Variants in STXBP5L observed in about 807,000 individuals in gnomAD.
STXBP5L encodes syntaxin-binding protein 5-like.
In STXBP5L, 65 loss-of-function variants were observed where a neutral mutation model predicts 144.5. That is an observed-to-expected ratio of 0.45 (90% CI 0.37 to 0.55). The LOEUF is 0.55. STXBP5L is among the 20% of genes least tolerant of loss of function. STXBP5L has a pLI of 0.00. For missense variants in STXBP5L, 1,298 were observed against 1,405.5 expected, an observed-to-expected ratio of 0.92 and a Z score of 1.22; for synonymous variants, 505 against 469.6, an observed-to-expected ratio of 1.08 and a Z score of -0.97.
chr3:121,360,568 C>T (rs531651784), intron 20 of STXBP5L, among the ~76,000 whole-genome samples: 7 of 151,716 alleles, frequency 4.6e-5, no homozygotes, highest in Admixed American at 6.6e-5. Flanking sequence ...TCATTGTATG[C>T]TTTTTGGTTT....
chr3:121,005,352 G>T (rs1387758997), intron 3 of STXBP5L, among the ~76,000 whole-genome samples: 1 of 152,272 alleles, frequency 6.6e-6, no homozygotes, highest in Non-Finnish European at 1.5e-5. Flanking sequence ...GGTGTTTATA[G>T]TATTCTCTGA....
intron 20 of STXBP5L, among the ~76,000 whole-genome samples, chr3:121,349,707 T>C (rs1283089562): frequency 6.6e-6 from 1 of 152,144 alleles, no homozygotes; most frequent in Non-Finnish European, 1.5e-5. Context: ...TTTACCATTA[T>C]GTAATGGTCT....
chr3:121,060,323 G>T (rs2107627097), intron 5 of STXBP5L, among the ~76,000 whole-genome samples: 1 of 152,222 alleles, frequency 6.6e-6, no homozygotes, highest in East Asian at 1.9e-4. Context: ...GGATGAAGCT[G>T]ACTTGATTGT....
chr3:121,053,765 G>A (rs186179536), intron 5 of STXBP5L, among the ~76,000 whole-genome samples: 5,398 of 152,158 alleles, frequency 0.035, 142 homozygotes, highest in Middle Eastern at 0.082. Context: ...AAGAGCTTCT[G>A]CACAGCAAAA....
intron 9 of STXBP5L, among the ~76,000 whole-genome samples, chr3:121,204,910 C>A (rs543595311): frequency 1.3e-5 from 2 of 152,128 alleles, no homozygotes; most frequent in Admixed American, 1.3e-4. Flanking sequence ...AACAGAATAA[C>A]CCATCCCCTA....
chr3:120,916,589 C>G (rs897449218), intron 2 of STXBP5L, among the ~76,000 whole-genome samples: 1 of 152,162 alleles, frequency 6.6e-6, no homozygotes, highest in African/African-American at 2.4e-5. Flanking sequence ...CCGTGAGCCA[C>G]CGCACCTGGC....
intron 5 of STXBP5L, among the ~76,000 whole-genome samples, chr3:121,089,092 T>A (rs868726514): frequency 0.042 from 2,332 of 56,184 alleles, no homozygotes; most frequent in East Asian, 0.065. Flanking sequence ...TAGAGTATAA[T>A]AAAAAAAAAA....
At position 120,909,757 on chromosome 3, in the gene STXBP5L, A is replaced by G; in HGVS notation, c.179A>G (p.Gln60Arg). 1 of 1,611,780 alleles carries G rather than the reference A, an allele frequency of 6.2e-7. No homozygotes were observed. The highest frequency in any genetic ancestry group is 8.5e-7 in the Non-Finnish European group (1 of 1,179,402). The change falls in exon 2 of 27, where the codon CAG (glutamine) becomes CGG (arginine). Residue 60 changes from glutamine to arginine, a missense_variant. Coordinates refer to ENST00000471454, the MANE Select transcript of STXBP5L (RefSeq NM_001308330.2). ...GAAACTTTGACTTCGGAGTATTTCC[A>G]GATTTGCAAGGTAAGTTTTGAATTG... ...IQETLTSEYFQICKTVRHGFP... is the reference protein window; with the variant it reads ...IQETLTSEYFRICKTVRHGFP...
intron 20 of STXBP5L, among the ~76,000 whole-genome samples, chr3:121,336,509 A>G (rs2044510491): frequency 6.6e-6 from 1 of 152,096 alleles, no homozygotes; most frequent in African/African-American, 2.4e-5. Context: ...AAACCAGCCA[A>G]CCAACCAACC....
chr3:121,342,551 T>G (rs2044757214), intron 20 of STXBP5L, among the ~76,000 whole-genome samples: 1 of 138,864 alleles, frequency 7.2e-6, no homozygotes, highest in African/African-American at 2.7e-5. Flanking sequence ...CCTGTGTCCA[T>G]GTGTTCTCAT....
chr3:121,212,650 T>C (rs1437498328), intron 10 of STXBP5L, among the ~76,000 whole-genome samples: 1 of 152,222 alleles, frequency 6.6e-6, no homozygotes, highest in Non-Finnish European at 1.5e-5. Flanking sequence ...GGTAGCATGA[T>C]GCCTCCAGCT....
In STXBP5L at chr3:121,422,047, A is replaced by G. The variant is rs1474719119; in HGVS notation, c.*2950A>G. Reference sequence around the variant, plus strand: ...TAGCAATAAGAAGAATCTAATGTGGATGTGATTTTTCTCTTTGAACAATTC... The same window carrying G: ...TAGCAATAAGAAGAATCTAATGTGGGTGTGATTTTTCTCTTTGAACAATTC... On this transcript the variant is annotated 3_prime_UTR_variant, in exon 27 of 27. Coordinates refer to ENST00000471454, the MANE Select transcript of STXBP5L (RefSeq NM_001308330.2). The G allele has an allele frequency of 6.6e-6, 1 of 152,098 alleles. No homozygotes were observed. The highest frequency in any genetic ancestry group is 1.9e-4 in the East Asian group (1 of 5,198). 9.4% of individuals were successfully genotyped at this position (152,098 alleles called of 1,614,324 possible).
intron 9 of STXBP5L, among the ~76,000 whole-genome samples, chr3:121,168,313 G>A (rs2046575574): frequency 6.6e-6 from 1 of 152,144 alleles, no homozygotes; most frequent in South Asian, 2.1e-4. Flanking sequence ...TCGCTAGCAA[G>A]GGAACAAAAC....
At chr3:120,974,312 A>C (rs573506351) in intron 3 of STXBP5L, among the ~76,000 whole-genome samples, 1 of 152,038 alleles carries the variant, frequency 6.6e-6, no homozygotes, top group Non-Finnish European at 1.5e-5. Context: ...GCACTTTTTC[A>C]TGTGTCTTTT....
At chr3:121,210,584 A>G (rs1308996102) in intron 10 of STXBP5L, among the ~76,000 whole-genome samples, 3 of 152,180 alleles carry the variant, frequency 2.0e-5, no homozygotes, top group East Asian at 3.8e-4. Flanking sequence ...TAAGTCTTTA[A>G]TCCATCTTGA....
At chr3:121,126,403 T>G (rs2044705228) in intron 7 of STXBP5L, among the ~76,000 whole-genome samples, 1 of 152,102 alleles carries the variant, frequency 6.6e-6, no homozygotes, top group South Asian at 2.1e-4. Flanking sequence ...CTGTAAACCC[T>G]CAGTATTGGA....
chr3:121,114,848 A>G (rs1441334858), intron 5 of STXBP5L, 77 bp from the exon 6 acceptor site: 9 of 1,013,704 alleles, frequency 8.9e-6, no homozygotes, highest in Non-Finnish European at 1.2e-5. Context: ...CTATCACTAC[A>G]TAATACATGT....
chr3:121,069,975 A>G (rs912046131), intron 5 of STXBP5L, among the ~76,000 whole-genome samples: 4 of 152,132 alleles, frequency 2.6e-5, no homozygotes, highest in Admixed American at 1.3e-4. Context: ...GCTGTGTCCC[A>G]GAGGTTTTGA....
chr3:121,142,289 T>C (rs1484572550), intron 7 of STXBP5L, among the ~76,000 whole-genome samples: 1 of 151,872 alleles, frequency 6.6e-6, no homozygotes, highest in Non-Finnish European at 1.5e-5. Context: ...AAGGGAGAAA[T>C]AGATAGCAAT....
Sources: allele counts gnomAD v4.1 joint callset (sites outside exome capture counted in the v4.1 genomes callset), GRCh38; gene constraint gnomAD v4.1.1; transcripts MANE v1.5; gene names NCBI Gene and HGNC (gene_info 2026-07-23, HGNC 2026-07-21).